Variants in TRUB2 observed in about 807,000 individuals in gnomAD.
TRUB2 encodes TruB pseudouridine synthase family member 2, also known as pseudouridylate synthase TRUB2, mitochondrial.
Under a neutral mutation model 31.9 loss-of-function variants are expected in TRUB2, and 31 were observed. The ratio of observed to expected loss-of-function variants is 0.97; its 90% confidence interval spans 0.73 to 1.31. The LOEUF is 1.31. Ranked by LOEUF, TRUB2 falls within the 50% of genes most tolerant of loss-of-function variation. The pLI, the probability that TRUB2 is intolerant of heterozygous loss-of-function variation, is 0.00. For missense variants in TRUB2, 451 were observed against 439.6 expected (o/e 1.03, Z -0.23); for synonymous variants, 201 against 182.6 (o/e 1.10, Z -0.81).
chr9:128,321,730 C>G lies in TRUB2; in HGVS notation c.110G>C (p.Gly37Ala). 6.2e-7 allele frequency: 1 copy of G among 1,613,128 alleles called. No homozygotes were observed. Among genetic ancestry groups the G allele is most frequent in the Non-Finnish European group, 8.5e-7 (1 of 1,179,942 alleles). ...RDTVELQLLK[G>A]LNARKPPAPK... ...AGCGGGAGGCTTCCTGGCATTGAGA[C>G]CTGAACACACAGAGATAATATATAC... Residue 37 changes from glycine (G) to alanine (A), a missense_variant and splice_region_variant, in exon 2 of 8, where the codon GGT (glycine) becomes GCT (alanine). Coordinates refer to ENST00000372890, the MANE Select transcript of TRUB2 (RefSeq NM_015679.3).
Position 128,309,311 on chromosome 9 carries a change from G to A in TRUB2, c.*239C>T, listed in dbSNP as rs1487177728. The A allele has an allele frequency of 2.0e-5, 10 of 506,298 alleles. No homozygotes were observed. The highest frequency in any genetic ancestry group is 3.8e-5 in the African/African-American group (2 of 52,144). The allele number at this position is 506,298 out of a possible 1,614,324, so 31.4% of individuals were successfully genotyped here. A position where few individuals can be genotyped will look rare whatever the true frequency, so the allele number is the denominator to read the frequency against. ...GGAGTAGCTGGGATTACAAGTGCCC[G>A]CCACCACGCCTGGTCTGCCAATACT... On this transcript the variant is annotated 3_prime_UTR_variant, in exon 8 of 8. Transcript: ENST00000372890.
chr9:128,315,173 T>C (rs981433580), intron 4 of TRUB2, among the ~76,000 whole-genome samples: 3 of 152,198 alleles, frequency 2.0e-5, no homozygotes, highest in Admixed American at 1.3e-4. Context: ...AATGGCATCA[T>C]GATCAAGCTC....
At chr9:128,320,363 A>C (rs1588530259) in intron 2 of TRUB2, among the ~76,000 whole-genome samples, 8 of 141,706 alleles carry the variant, frequency 5.6e-5, no homozygotes, top group South Asian at 2.2e-4. Context: ...AGACAGTTTC[A>C]CTCTTATTGT....
chr9:128,315,958 G>C (rs1235943580), intron 3 of TRUB2: 1 of 336,738 alleles, frequency 3.0e-6, no homozygotes, highest in African/African-American at 2.1e-5. Flanking sequence ...GGACAGCTCT[G>C]AGTATAATCT....
chr9:128,317,254 T>C (rs770954634), intron 2 of TRUB2, 28 bp from the exon 3 acceptor site: 9 of 1,575,266 alleles, frequency 5.7e-6, no homozygotes, highest in East Asian at 2.3e-5. Context: ...AGGTCCATTT[T>C]CTCAACTAAA....
At chr9:128,321,789 A>AT in intron 1 of TRUB2, 59 bp from the exon 2 acceptor site, 1 of 1,518,444 alleles carries the variant, frequency 6.6e-7, no homozygotes, top group Non-Finnish European at 8.9e-7. Flanking sequence ...CATATAAAAT[A>AT]TTTTTTAAGA....
chr9:128,310,022 C>A (rs1017918374), intron 7 of TRUB2, 147 bp from the exon 8 acceptor site: 9 of 877,374 alleles, frequency 1.0e-5, no homozygotes, highest in African/African-American at 1.0e-4. Context: ...TTCAGAGGAC[C>A]TGCCCTGTGG....
intron 2 of TRUB2, 59 bp from the exon 3 acceptor site, chr9:128,317,285 G>C: frequency 6.7e-7 from 1 of 1,487,930 alleles, no homozygotes; most frequent in Non-Finnish European, 9.2e-7. Flanking sequence ...GGATGGCTTT[G>C]GGCTGCATGT....
intron 3 of TRUB2, 67 bp from the exon 4 acceptor site, chr9:128,315,695 C>G: frequency 6.5e-7 from 1 of 1,530,254 alleles, no homozygotes; most frequent in Non-Finnish European, 8.9e-7. Context: ...ATCCCCACCC[C>G]TACCCCCACC....
At chr9:128,321,959 T>C (rs1355018324) in intron 1 of TRUB2, among the ~76,000 whole-genome samples, 1 of 152,172 alleles carries the variant, frequency 6.6e-6, no homozygotes, top group African/African-American at 2.4e-5. Context: ...TATCTTGTTC[T>C]GTCCAAACAC....
intron 2 of TRUB2, among the ~76,000 whole-genome samples, chr9:128,319,106 C>T (rs545390137): frequency 6.6e-6 from 1 of 151,978 alleles, no homozygotes; most frequent in South Asian, 2.1e-4. Context: ...GCGGGTGGAT[C>T]ACGAGGTCAG....
intron 6 of TRUB2, 135 bp from the exon 7 acceptor site, chr9:128,311,158 C>T: frequency 1.6e-6 from 2 of 1,229,842 alleles, no homozygotes; most frequent in Non-Finnish European, 2.3e-6. Flanking sequence ...TCCTGCCCTC[C>T]TTCATCACCA....
chr9:128,317,728 A>G (rs766635075), intron 2 of TRUB2, among the ~76,000 whole-genome samples: 6 of 152,232 alleles, frequency 3.9e-5, no homozygotes, highest in Non-Finnish European at 8.8e-5. Flanking sequence ...AATCCAGGCC[A>G]TGTTACTAAA....
Position 128,309,196 on chromosome 9 carries a change from G to C in TRUB2, c.*354C>G, listed in dbSNP as rs907681293. 1 of 221,100 alleles carries C rather than the reference G, an allele frequency of 4.5e-6. No homozygotes were observed. The highest frequency in any genetic ancestry group is 9.0e-6 in the Non-Finnish European group (1 of 111,124). The allele number at this position is 221,100 out of a possible 1,614,324, so 13.7% of individuals were successfully genotyped here. ...TGGCAGGGGTCTCATATGTTCCCCA[G>C]ACTAGAGTGCAGTGGCTATTCACAG... On this transcript the variant is annotated 3_prime_UTR_variant, in exon 8 of 8. Transcript: ENST00000372890.
rs368583861 is a variant in TRUB2 at position 128,309,353 on chromosome 9, T to G, written c.*197A>C. 12 of 602,898 alleles carry G rather than the reference T, an allele frequency of 2.0e-5. No individual in the cohort carries two copies. Among genetic ancestry groups the G allele is most frequent in the Admixed American group, 6.0e-5 (2 of 33,298 alleles). The allele number at this position is 602,898 out of a possible 1,614,324, so 37.3% of individuals were successfully genotyped here. Reference sequence around the variant, plus strand: ...GCCAATACTTTCTATCAGTCTGTCATGTTTACTGTCTTTTCCTCCATACAG... The same window carrying G: ...GCCAATACTTTCTATCAGTCTGTCAGGTTTACTGTCTTTTCCTCCATACAG... On this transcript the variant is annotated 3_prime_UTR_variant, in exon 8 of 8. Coordinates refer to ENST00000372890, the MANE Select transcript of TRUB2 (RefSeq NM_015679.3).
At chr9:128,313,962 G>T in intron 4 of TRUB2, 73 bp from the exon 5 acceptor site, 1 of 1,404,554 alleles carries the variant, frequency 7.1e-7, no homozygotes. Context: ...CCCAGAAGCT[G>T]GGGGTGGGGG....
intron 7 of TRUB2, 122 bp from the exon 8 acceptor site, chr9:128,309,997 C>T (rs1831940872): frequency 9.2e-7 from 1 of 1,092,294 alleles, no homozygotes; most frequent in Non-Finnish European, 1.3e-6. Flanking sequence ...CCCCTAAGCT[C>T]TCCAGGTTGT....
chr9:128,318,577 G>C (rs1832107725), intron 2 of TRUB2, among the ~76,000 whole-genome samples: 1 of 151,824 alleles, frequency 6.6e-6, no homozygotes, highest in African/African-American at 2.4e-5. Flanking sequence ...TTGTCACCCA[G>C]GCTGGAGTGC....
In TRUB2 at chr9:128,309,963, A is replaced by G. The variant is rs1831940319; in HGVS notation, c.671-88T>C. On this transcript the variant is annotated intron_variant, in intron 7 of 7. Transcript: ENST00000372890. ...AACGCACACCCCTTGGATACCTCCT[A>G]GGTGTGTAACAACCTTAGCAAGACC... The G allele has an allele frequency of 8.5e-6, 12 of 1,419,644 alleles. No homozygotes were observed. The South Asian group carries it at 1.5e-4, about 17-fold the overall frequency. 87.9% of individuals were successfully genotyped at this position (1,419,644 alleles called of 1,614,324 possible).
Sources: gnomAD v4.1 joint callset for allele counts (sites outside exome capture counted in the v4.1 genomes callset) on GRCh38, gnomAD v4.1.1 for gene constraint, MANE v1.5 for transcripts, NCBI Gene and HGNC (gene_info 2026-07-23, HGNC 2026-07-21) for gene names.